Variants in PLEKHG1 observed in about 807,000 individuals in gnomAD.
The protein encoded by PLEKHG1 is pleckstrin homology domain-containing family G member 1.
A neutral mutation model predicts 100.8 loss-of-function variants in PLEKHG1; 44 were observed. The observed-to-expected ratio is 0.44, with a 90% CI of 0.34 to 0.56. PLEKHG1 has a LOEUF of 0.56. Ranked by LOEUF, PLEKHG1 falls within the 20% of genes least tolerant of loss-of-function variation. The probability of loss-of-function intolerance (pLI) is 0.01; values close to 1 mark genes in which losing one functional copy is unlikely to be tolerated. For synonymous variants in PLEKHG1, 640 were observed against 662.5 expected (o/e 0.97, Z 0.52); for missense variants, 1,545 against 1,720.9 (o/e 0.90, Z 1.81).
intron 2 of PLEKHG1, among the ~76,000 whole-genome samples, chr6:150,643,445 A>G (rs1220317120): frequency 6.6e-6 from 1 of 152,186 alleles, no homozygotes; most frequent in Non-Finnish European, 1.5e-5. Context: ...AATTGATACA[A>G]ACTGGAAACT....
intron 2 of PLEKHG1, among the ~76,000 whole-genome samples, chr6:150,745,580 G>C (rs536891856): frequency 8.5e-5 from 13 of 152,108 alleles, no homozygotes; most frequent in Middle Eastern, 6.8e-3. Context: ...CTACTCAGGA[G>C]GCTGAGGCAG....
At chr6:150,724,195 T>C (rs116159755) in intron 1 of PLEKHG1, among the ~76,000 whole-genome samples, 403 of 152,322 alleles carry the variant, frequency 2.6e-3, no homozygotes, top group African/African-American at 9.5e-3. Flanking sequence ...GGTTCCAGCA[T>C]GAAGAGGAAA....
At position 150,809,483 on chromosome 6, in the gene PLEKHG1, G is replaced by T. The variant is rs753981405; in HGVS notation, c.1191+7G>T. On this transcript the variant is annotated splice_region_variant and intron_variant, in intron 9 of 15. Coordinates refer to ENST00000358517, the Ensembl canonical transcript of PLEKHG1. ...GCTGCAGCACACAGTCCAGGTAGCA[G>T]CCGGGCCCTGGCCTCTCCGCAAGGC... 7.4e-6 allele frequency: 12 copies of T among 1,611,036 alleles called. No individual in the cohort carries two copies. Among genetic ancestry groups the T allele is most frequent in the Non-Finnish European group, 1.0e-5 (12 of 1,177,538 alleles).
At chr6:150,630,188 C>G (rs1260738044) in intron 1 of PLEKHG1, among the ~76,000 whole-genome samples, 1 of 152,192 alleles carries the variant, frequency 6.6e-6, no homozygotes, top group African/African-American at 2.4e-5. Flanking sequence ...AAAACATTGA[C>G]TTTACTCTGG....
intron 6 of PLEKHG1, among the ~76,000 whole-genome samples, chr6:150,803,615 T>C (rs1786837591): frequency 6.6e-6 from 1 of 152,186 alleles, no homozygotes; most frequent in Non-Finnish European, 1.5e-5. Flanking sequence ...TCTAACATAC[T>C]TCTGACCATC....
At chr6:150,696,504 C>T (rs1287642890) in intron 3 of PLEKHG1, among the ~76,000 whole-genome samples, 4 of 152,152 alleles carry the variant, frequency 2.6e-5, no homozygotes, top group Non-Finnish European at 5.9e-5. Flanking sequence ...GCACTTTCTC[C>T]CTTCTTCAAG....
At chr6:150,644,338 T>TG (rs1385661965) in intron 2 of PLEKHG1, among the ~76,000 whole-genome samples, 4 of 144,062 alleles carry the variant, frequency 2.8e-5, no homozygotes, top group African/African-American at 8.0e-5. Flanking sequence ...TTTCGTGTTT[T>TG]TTTTTTTTTT....
chr6:150,833,416 A>G (rs566763016), intron 15 of PLEKHG1, among the ~76,000 whole-genome samples: 5 of 152,344 alleles, frequency 3.3e-5, no homozygotes, highest in African/African-American at 9.6e-5. Context: ...TAGTATTTTC[A>G]TATATGCTTC....
chr6:150,827,563 A>G (rs1180839611), intron 14 of PLEKHG1: 1 of 640,026 alleles, frequency 1.6e-6, no homozygotes, highest in East Asian at 2.9e-5. Context: ...GGCGTGAGCC[A>G]CTGTGCCTGG....
At position 150,617,644 on chromosome 6, in the gene PLEKHG1, C is replaced by T. The variant is rs79754420; in HGVS notation, c.-204+17627C>T. Among the ~76,000 whole-genome samples, 783 of 152,182 alleles carry T rather than the reference C, an allele frequency of 5.1e-3. 7 individuals carry two copies. The highest frequency in any genetic ancestry group is 0.018 in the African/African-American group (752 of 41,510). ...AAGGTGTTTATCTCTTTCCGGCTGC[C>T]GAAGAAAGTTGAGAACAGTGATCCT... On this transcript the variant is annotated intron_variant, in intron 1 of 3. Coordinates refer to the PLEKHG1 transcript ENST00000367326.
intron 3 of PLEKHG1, among the ~76,000 whole-genome samples, chr6:150,703,667 T>A (rs1780893959): frequency 7.2e-6 from 1 of 139,606 alleles, no homozygotes; most frequent in Non-Finnish European, 1.5e-5. Context: ...TTAAAAAAAA[T>A]CAGTCTAGAA....
chr6:150,813,740 C>T (rs551165120), intron 10 of PLEKHG1, among the ~76,000 whole-genome samples: 3 of 152,020 alleles, frequency 2.0e-5, no homozygotes, highest in South Asian at 2.1e-4. Flanking sequence ...AGAGGTGGGA[C>T]GGTTTTGAGT....
intron 2 of PLEKHG1, among the ~76,000 whole-genome samples, chr6:150,764,940 T>C (rs1277492164): frequency 1.1e-4 from 14 of 129,670 alleles, no homozygotes; most frequent in Admixed American, 1.1e-3. Context: ...GAAGGGATCA[T>C]GTTTTATGCA....
intron 1 of PLEKHG1, among the ~76,000 whole-genome samples, chr6:150,604,670 G>A (rs779359449): frequency 2.0e-5 from 3 of 152,134 alleles, no homozygotes; most frequent in Non-Finnish European, 2.9e-5. Context: ...TTCGTCACTC[G>A]GTTTCCTAGT....
chr6:150,768,761 GT>G (rs1410000546), intron 3 of PLEKHG1, 23 bp downstream of exon 4: 2 of 1,296,518 alleles, frequency 1.5e-6, no homozygotes, highest in Middle Eastern at 1.8e-4. Flanking sequence ...TCAAAAGATT[GT>G]TCTCACATAC....
chr6:150,770,917 C>T (rs1339803326), intron 3 of PLEKHG1, among the ~76,000 whole-genome samples: 2 of 152,176 alleles, frequency 1.3e-5, no homozygotes, highest in Non-Finnish European at 2.9e-5. Context: ...TTGCTCCATG[C>T]CAGAGGCCGT....
At chr6:150,695,393 T>G (rs1582955902) in intron 3 of PLEKHG1, among the ~76,000 whole-genome samples, 1 of 152,214 alleles carries the variant, frequency 6.6e-6, no homozygotes, top group Non-Finnish European at 1.5e-5. Flanking sequence ...GTTTAGAAAA[T>G]ATTAGGAATT....
chr6:150,740,022 A>G (rs1464824314), intron 2 of PLEKHG1, among the ~76,000 whole-genome samples: 6 of 152,240 alleles, frequency 3.9e-5, no homozygotes, highest in Admixed American at 3.3e-4. Context: ...AAACTGTCTT[A>G]TGCTGGGGAA....
At chr6:150,825,513 A>G (rs761321928) in intron 14 of PLEKHG1, among the ~76,000 whole-genome samples, 2 of 151,702 alleles carry the variant, frequency 1.3e-5, no homozygotes, top group African/African-American at 2.4e-5. Context: ...CCGAAGTTGT[A>G]ATGAGCTGAG....
Sources: gnomAD v4.1 joint callset for allele counts (sites outside exome capture counted in the v4.1 genomes callset) on GRCh38, gnomAD v4.1.1 for gene constraint, MANE v1.5 for transcripts, NCBI Gene and HGNC (gene_info 2026-07-23, HGNC 2026-07-21) for gene names.